CPEB3: variants seen among roughly 807,000 people sequenced by gnomAD.
The protein encoded by CPEB3 is cytoplasmic polyadenylation element binding protein 3, also known as cytoplasmic polyadenylation element-binding protein 3.
Under a neutral mutation model 67.2 loss-of-function variants are expected in CPEB3, and 20 were observed. The observed-to-expected ratio is 0.30, with a 90% CI of 0.21 to 0.43. The LOEUF (loss-of-function observed/expected upper bound fraction) is 0.43. CPEB3 is among the 20% of genes least tolerant of loss of function. The pLI is 1.00. For missense variants in CPEB3, 746 were observed against 968.6 expected (o/e 0.77, Z 3.05); for synonymous variants, 376 against 393.1 (o/e 0.96, Z 0.51).
At chr10:92,290,180 A>G (rs1178461629) in intron 1 of CPEB3, among the ~76,000 whole-genome samples, 4 of 152,200 alleles carry the variant, frequency 2.6e-5, no homozygotes, top group Admixed American at 2.6e-4. Flanking sequence ...TAATCAAGGG[A>G]AAACTACCAG....
In CPEB3 at chr10:92,071,774, G is replaced by A. The variant is rs1486771198; in HGVS notation, c.1869+9546C>T. Among the ~76,000 whole-genome samples, 6 of 151,798 alleles carry A rather than the reference G, an allele frequency of 4.0e-5. No homozygotes were observed. In the South Asian group the frequency reaches 1.3e-3, roughly 32 times the overall value. On this transcript the variant is annotated intron_variant, in intron 9 of 9. Transcript: ENST00000265997. ...AATTTTTTTCTCATGACCACACAGAGTAGACAATACAAAACCAGCCACATA... is the reference window on the plus strand; with the variant it reads ...AATTTTTTTCTCATGACCACACAGAATAGACAATACAAAACCAGCCACATA...
At chr10:92,131,120 C>A (rs1169960203) in intron 6 of CPEB3, among the ~76,000 whole-genome samples, 2 of 152,134 alleles carry the variant, frequency 1.3e-5, no homozygotes, top group East Asian at 3.9e-4. Flanking sequence ...ATAATTATTT[C>A]TCTTCCCTGA....
intron 1 of CPEB3, among the ~76,000 whole-genome samples, chr10:92,279,655 T>C (rs1271752594): frequency 6.6e-6 from 1 of 152,058 alleles, no homozygotes; most frequent in Non-Finnish European, 1.5e-5. Flanking sequence ...AGTCAAGTTT[T>C]AGGAGCAACA....
At chr10:92,226,612 T>A (rs1850986564) in intron 2 of CPEB3, among the ~76,000 whole-genome samples, 1 of 152,230 alleles carries the variant, frequency 6.6e-6, no homozygotes, top group African/African-American at 2.4e-5. Flanking sequence ...GTCCTTGCCC[T>A]TGTGGAGCCT....
At chr10:92,150,746 A>G (rs1846925068) in intron 4 of CPEB3, among the ~76,000 whole-genome samples, 1 of 152,198 alleles carries the variant, frequency 6.6e-6, no homozygotes, top group Non-Finnish European at 1.5e-5. Context: ...GCATCTCTCT[A>G]ACATATTTCT....
At chr10:92,144,271 T>G (rs1846573991) in intron 5 of CPEB3, among the ~76,000 whole-genome samples, 1 of 152,166 alleles carries the variant, frequency 6.6e-6, no homozygotes, top group Non-Finnish European at 1.5e-5. Context: ...TATTTGTTTT[T>G]ATTTATTTAT....
In CPEB3 at chr10:92,131,511, T is replaced by G. The variant is rs192399652; in HGVS notation, c.1453+11518A>C. 1.1e-3 allele frequency among the ~76,000 whole-genome samples: 172 copies of G among 152,230 alleles called. 1 individual carries two copies. Among genetic ancestry groups the G allele is most frequent in the Non-Finnish European group, 1.6e-4 (11 of 68,004 alleles). ...TAACATATAAGTGAGAAAATAAAAA[T>G]ATTTAGCTTGGAAAGAGAAACTGAT... On this transcript the variant is annotated intron_variant, in intron 6 of 9. Coordinates refer to ENST00000265997, the MANE Select transcript of CPEB3 (RefSeq NM_014912.5).
At chr10:92,096,916 A>G (rs1460826962) in intron 7 of CPEB3, among the ~76,000 whole-genome samples, 2 of 152,240 alleles carry the variant, frequency 1.3e-5, no homozygotes, top group African/African-American at 4.8e-5. Flanking sequence ...ACTGTACTCC[A>G]GCCTGGGTGA....
At chr10:92,102,506 T>C (rs941983101) in intron 7 of CPEB3, among the ~76,000 whole-genome samples, 3 of 152,216 alleles carry the variant, frequency 2.0e-5, no homozygotes, top group Non-Finnish European at 4.4e-5. Context: ...ATCACCAGGC[T>C]GCAGAGCCTA....
rs1281791051 is a variant in CPEB3 at position 92,239,387 on chromosome 10, C to T, written c.964G>A (p.Ala322Thr). Residue 322 changes from alanine (A) to threonine (T), a missense_variant, in exon 2 of 10, where the codon GCT (alanine) becomes ACT (threonine). By Grantham distance (58) the Ala-to-Thr change is moderately conservative. This residue lies in a region of CPEB3 where 643 missense variants were observed against 717.5 expected (regional missense o/e 0.90). Coordinates refer to ENST00000265997, the MANE Select transcript of CPEB3 (RefSeq NM_014912.5). This position sits in a 1 kb window ranked among gnomAD's most constrained non-coding sequence, Gnocchi z 6.0. The part of the protein sequence containing the change: ...LTSKSWMEDN[A>T]FRTDNGNNLL... Reference sequence around the variant, plus strand: ...TTGTTACCATTATCGGTCCGGAAAGCGTTATCCTCCATCCAGGACTTGGAA... The same window carrying T: ...TTGTTACCATTATCGGTCCGGAAAGTGTTATCCTCCATCCAGGACTTGGAA... The T allele has an allele frequency of 1.2e-6, 2 of 1,606,086 alleles. No homozygotes were observed. Among genetic ancestry groups the T allele is most frequent in the Non-Finnish European group, 1.7e-6 (2 of 1,176,404 alleles).
At chr10:92,223,910 G>A (rs866902930) in intron 2 of CPEB3, among the ~76,000 whole-genome samples, 6 of 151,716 alleles carry the variant, frequency 4.0e-5, no homozygotes, top group Admixed American at 1.3e-4. Flanking sequence ...CACCACACCC[G>A]GCTAATTTTT....
At chr10:92,259,815 G>A (rs906577179) in intron 1 of CPEB3, among the ~76,000 whole-genome samples, 1 of 152,118 alleles carries the variant, frequency 6.6e-6, no homozygotes, top group Non-Finnish European at 1.5e-5. Context: ...CGTTTATGTG[G>A]CAAATACTGT....
intron 2 of CPEB3, among the ~76,000 whole-genome samples, chr10:92,225,709 C>A (rs1425727506): frequency 6.6e-6 from 1 of 152,068 alleles, no homozygotes; most frequent in Non-Finnish European, 1.5e-5. Context: ...ACAGAATGAT[C>A]TCCACTATGT....
At chr10:92,261,117 A>G (rs2134892899) in intron 1 of CPEB3, among the ~76,000 whole-genome samples, 2 of 152,278 alleles carry the variant, frequency 1.3e-5, no homozygotes, top group South Asian at 4.1e-4. Context: ...AATAGTCAAT[A>G]TGTCTACACA....
At chr10:92,218,046 G>A (rs1850516143) in intron 2 of CPEB3, among the ~76,000 whole-genome samples, 2 of 152,166 alleles carry the variant, frequency 1.3e-5, no homozygotes, top group Non-Finnish European at 2.9e-5. Flanking sequence ...AGAAGGCAAG[G>A]CTTCACTGAG....
Position 92,239,127 on chromosome 10 carries a change from T to C in CPEB3, c.1005+219A>G, listed in dbSNP as rs1028654040. ...TAAAAGAAAAAGGCTTCTTCTACCC[T>C]GAAGGGACGAATACGATTCCTCCAG... On this transcript the variant is annotated intron_variant, in intron 2 of 9. Coordinates refer to ENST00000265997, the MANE Select transcript of CPEB3 (RefSeq NM_014912.5). The surrounding 1 kb of genome is among the most constrained non-coding windows in gnomAD (Gnocchi z 6.0). Among the ~76,000 whole-genome samples the C allele has an allele frequency of 3.9e-5, 6 of 152,194 alleles. No individual in the cohort carries two copies. Among genetic ancestry groups the C allele is most frequent in the African/African-American group, 1.4e-4 (6 of 41,448 alleles).
At chr10:92,235,663 C>A (rs901234590) in intron 2 of CPEB3, among the ~76,000 whole-genome samples, 1 of 152,096 alleles carries the variant, frequency 6.6e-6, no homozygotes, top group Non-Finnish European at 1.5e-5. Flanking sequence ...AGAACCAGCA[C>A]GTTTATATAA....
At chr10:92,125,531 G>A (rs1486042632) in intron 6 of CPEB3, among the ~76,000 whole-genome samples, 1 of 152,186 alleles carries the variant, frequency 6.6e-6, no homozygotes. Context: ...AGGATCAGCT[G>A]TTAGTGCAGA....
intron 6 of CPEB3, among the ~76,000 whole-genome samples, chr10:92,141,101 T>C (rs1846392217): frequency 1.3e-5 from 1 of 77,344 alleles, no homozygotes; most frequent in Non-Finnish European, 2.5e-5. Context: ...GAACTAGAAA[T>C]ACCATTTGAC....
Sources: gnomAD v4.1 joint callset for allele counts (sites outside exome capture counted in the v4.1 genomes callset) on GRCh38, gnomAD v4.1.1 for gene constraint, gnomAD v4.1.1 regional missense constraint, Gnocchi (gnomAD v3.1) non-coding constraint, MANE v1.5 for transcripts, NCBI Gene and HGNC (gene_info 2026-07-23, HGNC 2026-07-21) for gene names.